The following ACTR5 variants were observed in gnomAD, a reference collection of about 807,000 sequenced individuals.
ACTR5 encodes actin-related protein 5.
A neutral mutation model predicts 61.2 loss-of-function variants in ACTR5; 43 were observed. The ratio of observed to expected loss-of-function variants is 0.70; its 90% CI spans 0.55 to 0.91. ACTR5 has a LOEUF of 0.91. ACTR5 is among the 40% of genes least tolerant of loss of function. ACTR5 has a pLI of 0.00. For synonymous variants in ACTR5, 333 were observed against 310.5 expected (o/e 1.07, Z -0.76); for missense variants, 798 against 782.2 (o/e 1.02, Z -0.24).
chr20:38,756,228 C>T (rs371432481), intron 5 of ACTR5, among the ~76,000 whole-genome samples, 189 bp downstream of exon 5: 6 of 152,198 alleles, frequency 3.9e-5, no homozygotes, highest in Non-Finnish European at 8.8e-5. Flanking sequence ...TGTAGATCCC[C>T]GGACCCCTGA....
intron 5 of ACTR5, among the ~76,000 whole-genome samples, chr20:38,757,553 C>G (rs1236717771): frequency 6.6e-6 from 1 of 151,868 alleles, no homozygotes; most frequent in Non-Finnish European, 1.5e-5. Flanking sequence ...AAAAATGATA[C>G]TTTGGAAAAA....
At position 38,771,611 on chromosome 20, in the gene ACTR5, G is replaced by T; in HGVS notation, c.1619G>T (p.Trp540Leu). ...VLDAWYGARD[W>L]ALNHLDDNEV... is the part of the protein sequence containing the mutation. ...GATGCCTGGTACGGTGCTCGTGACT[G>T]GGCCTTGAACCACCTAGATGATAAT... Residue 540 changes from tryptophan to leucine, a missense_variant, in exon 9 of 9, where the codon TGG becomes TTG. Trp to Leu is a moderately conservative substitution (Grantham distance 61, BLOSUM62 -2). Coordinates refer to ENST00000243903, the MANE Select transcript of ACTR5 (RefSeq NM_024855.4). The T allele has an allele frequency of 1.2e-6, 2 of 1,614,202 alleles. No homozygotes were observed. Among genetic ancestry groups the T allele is most frequent in the Non-Finnish European group, 1.7e-6 (2 of 1,180,048 alleles).
At chr20:38,767,670 T>C in intron 8 of ACTR5, 74 bp downstream of exon 8, 1 of 1,494,646 alleles carries the variant, frequency 6.7e-7, no homozygotes, top group East Asian at 2.3e-5. Context: ...GTAATAATCA[T>C]GCAGAAATAT....
intron 5 of ACTR5, among the ~76,000 whole-genome samples, chr20:38,764,662 T>C (rs189002189): frequency 4.9e-4 from 74 of 152,262 alleles, no homozygotes; most frequent in African/African-American, 1.6e-3. Flanking sequence ...CTCATTAGCG[T>C]TGGCACATAC....
At chr20:38,756,551 TA>T (rs1395416953) in intron 5 of ACTR5, among the ~76,000 whole-genome samples, 2 of 152,232 alleles carry the variant, frequency 1.3e-5, no homozygotes, top group Non-Finnish European at 2.9e-5. Context: ...ACCCTTTGCA[TA>T]AGCTCTTTGA....
At position 38,771,721 on chromosome 20, in the gene ACTR5, AT is replaced by A. The variant is rs2084521354; in HGVS notation, c.1730del (p.Ile577ThrfsTer85). ...EHCASNIYVP[I>X]RLPKQASRSS... ...CTGTGCTTCCAACATCTATGTCCCC[AT>A]CCGCCTGCCGAAGCAGGCCTCCCGC... On this transcript the variant is annotated frameshift_variant, in exon 9 of 9. Transcript: ENST00000243903. LOFTEE classifies it high-confidence loss of function. 1.9e-6 allele frequency: 3 copies of A among 1,614,212 alleles called. No homozygotes were observed. Among genetic ancestry groups the A allele is most frequent in the Non-Finnish European group, 2.5e-6 (3 of 1,180,040 alleles).
chr20:38,749,087 A>G (rs2084370754), intron 1 of ACTR5, among the ~76,000 whole-genome samples: 1 of 152,250 alleles, frequency 6.6e-6, no homozygotes, highest in African/African-American at 2.4e-5. Context: ...TTATTAACAA[A>G]TACGTATTGA....
intron 8 of ACTR5, among the ~76,000 whole-genome samples, chr20:38,769,589 C>T (rs2248100): frequency 0.24 from 36,410 of 151,888 alleles, 4,517 homozygotes; most frequent in Middle Eastern, 0.34. Flanking sequence ...GAGGATAGTA[C>T]GTTCCATTTC....
Position 38,765,516 on chromosome 20 carries a change from C to G in ACTR5, c.1291C>G (p.Gln431Glu). Reference sequence around the variant, plus strand: ...AGTGGAGAAGCCGGTCACCACTGTTCAGGTTTGACTTCTACAGCCCAGAAC... The same window carrying G: ...AGTGGAGAAGCCGGTCACCACTGTTGAGGTTTGACTTCTACAGCCCAGAAC... ...PGVEKPVTTVQPVFNLAAYHQ... is the reference protein window; with the variant it reads ...PGVEKPVTTVEPVFNLAAYHQ... Residue 431 changes from glutamine (Q) to glutamate (E), a missense_variant and splice_region_variant, in exon 6 of 9, where the codon CAG (glutamine) becomes GAG (glutamate). Gln to Glu is a conservative substitution (Grantham distance 29). Transcript: ENST00000243903. 1 of 1,612,488 alleles carries G rather than the reference C, an allele frequency of 6.2e-7. No individual in the cohort carries two copies. Among genetic ancestry groups the G allele is most frequent in the South Asian group, 1.1e-5 (1 of 91,034 alleles).
In ACTR5 at chr20:38,748,861, G is replaced by C. The variant is rs376858739; in HGVS notation, c.375+8G>C. 3.2e-5 allele frequency: 51 copies of C among 1,603,380 alleles called. No individual in the cohort carries two copies. Among genetic ancestry groups the C allele is most frequent in the East Asian group, 2.0e-4 (9 of 44,142 alleles). On this transcript the variant is annotated splice_region_variant and intron_variant, in intron 1 of 8. Coordinates refer to ENST00000243903, the MANE Select transcript of ACTR5 (RefSeq NM_024855.4). ...CTGGGTGTCTCCTCACAGGTGAAGG[G>C]CGGAGTAGGCTGGGCTGGGCTGGGT...
At chr20:38,755,604 A>C (rs1601196401) in intron 4 of ACTR5, among the ~76,000 whole-genome samples, 1 of 151,288 alleles carries the variant, frequency 6.6e-6, no homozygotes, top group Non-Finnish European at 1.5e-5. Flanking sequence ...GCCCCACCAA[A>C]AAAAAAAAGG....
chr20:38,760,856 CT>C (rs950251827), intron 5 of ACTR5, among the ~76,000 whole-genome samples: 1 of 149,522 alleles, frequency 6.7e-6, no homozygotes, highest in African/African-American at 2.5e-5. Flanking sequence ...TTTTTTTTTT[CT>C]TTTTTTTAAG....
rs781192573 is a variant in ACTR5, at chr20:38,748,858, AGGGCGGAGTAGGCTG to A, written c.375+8_375+22del. The A allele has an allele frequency of 4.6e-5, 73 of 1,603,470 alleles. No individual in the cohort carries two copies. In the African/African-American group the frequency reaches 8.5e-4, roughly 19 times the overall value. On this transcript the variant is annotated splice_donor_region_variant and intron_variant, in intron 1 of 8. Coordinates refer to ENST00000243903, the MANE Select transcript of ACTR5 (RefSeq NM_024855.4). Reference sequence around the variant, plus strand: ...CACCTGGGTGTCTCCTCACAGGTGAAGGGCGGAGTAGGCTGGGCTGGGCTGGGTTTGAGGGGAGGG... The same window carrying A: ...CACCTGGGTGTCTCCTCACAGGTGAAGGCTGGGCTGGGTTTGAGGGGAGGG...
intron 8 of ACTR5, among the ~76,000 whole-genome samples, chr20:38,769,292 T>A (rs974763362): frequency 2.6e-5 from 4 of 152,160 alleles, no homozygotes; most frequent in Non-Finnish European, 5.9e-5. Flanking sequence ...CCACCTCTTG[T>A]AAGGGAAGAG....
At chr20:38,757,400 T>C (rs1017723899) in intron 5 of ACTR5, among the ~76,000 whole-genome samples, 3 of 151,516 alleles carry the variant, frequency 2.0e-5, no homozygotes, top group Admixed American at 6.6e-5. Flanking sequence ...CTGTCATCCC[T>C]AGAATTCCAA....
chr20:38,760,547 C>T (rs952469936), intron 5 of ACTR5, among the ~76,000 whole-genome samples: 2 of 152,186 alleles, frequency 1.3e-5, no homozygotes, highest in Non-Finnish European at 2.9e-5. Context: ...ACAAGAGTAG[C>T]AGTGTTGATA....
intron 7 of ACTR5, 131 bp downstream of exon 7, chr20:38,766,508 C>T: frequency 4.2e-6 from 5 of 1,202,030 alleles, no homozygotes; most frequent in Non-Finnish European, 5.7e-6. Flanking sequence ...ACTTGCTGTG[C>T]TCAGATAGTA....
At chr20:38,768,665 G>T (rs933510858) in intron 8 of ACTR5, among the ~76,000 whole-genome samples, 1 of 152,162 alleles carries the variant, frequency 6.6e-6, no homozygotes, top group African/African-American at 2.4e-5. Context: ...GGAAGCACGT[G>T]TTTGGCATAA....
At chr20:38,753,251 A>C (rs1049479923) in intron 3 of ACTR5, among the ~76,000 whole-genome samples, 1 of 152,088 alleles carries the variant, frequency 6.6e-6, no homozygotes, top group African/African-American at 2.4e-5. Flanking sequence ...TGATATGATT[A>C]TAAAGAGAGA....
Sources: gnomAD v4.1 joint callset for allele counts (sites outside exome capture counted in the v4.1 genomes callset) on GRCh38, gnomAD v4.1.1 for gene constraint, MANE v1.5 for transcripts, NCBI Gene and HGNC (gene_info 2026-07-23, HGNC 2026-07-21) for gene names.